Variants in TNRC6A observed in about 807,000 individuals in gnomAD.
TNRC6A encodes trinucleotide repeat-containing gene 6A protein.
In TNRC6A, 44 loss-of-function variants were observed where a neutral mutation model predicts 221.2. The observed-to-expected ratio is 0.20, with a 90% CI of 0.16 to 0.26. The LOEUF (loss-of-function observed/expected upper bound fraction) is 0.26. TNRC6A is among the 10% of genes least tolerant of loss of function. The probability of loss-of-function intolerance (pLI) is 1.00; values close to 1 mark genes in which losing one functional copy is unlikely to be tolerated. For synonymous variants in TNRC6A, 847 were observed against 838.5 expected (o/e 1.01, Z -0.18); for missense variants, 2,199 against 2,404.4 (o/e 0.91, Z 1.79).
At chr16:24,691,333 T>C (rs2055751874) in intron 2 of TNRC6A, among the ~76,000 whole-genome samples, 1 of 152,070 alleles carries the variant, frequency 6.6e-6, no homozygotes, top group Non-Finnish European at 1.5e-5. Context: ...TCCTCCCACT[T>C]TGGCTTTTCA....
At chr16:24,680,942 T>A (rs1398782236) in intron 2 of TNRC6A, among the ~76,000 whole-genome samples, 1 of 150,720 alleles carries the variant, frequency 6.6e-6, no homozygotes, top group East Asian at 2.0e-4. Flanking sequence ...AAAAAAAAAT[T>A]TTTTTTTTGA....
intron 2 of TNRC6A, among the ~76,000 whole-genome samples, chr16:24,730,977 ATT>A (rs34743729): frequency 1.4e-5 from 2 of 145,390 alleles, no homozygotes; most frequent in African/African-American, 5.1e-5. Flanking sequence ...TGAAGGGAGA[ATT>A]TTTTTTTTTT....
chr16:24,819,709 C>G, intron 21 of TNRC6A: 2 of 199,082 alleles, frequency 1.0e-5, no homozygotes, highest in South Asian at 1.8e-4. Flanking sequence ...TGAAGATCTC[C>G]TTTGGCAGCT....
chr16:24,803,157 G>A (rs563274140), intron 11 of TNRC6A, among the ~76,000 whole-genome samples: 16 of 152,284 alleles, frequency 1.1e-4, no homozygotes, highest in African/African-American at 2.9e-4. Context: ...GGTGGCTCAC[G>A]TCTGTAAATC....
At chr16:24,796,591 T>C (rs934346065) in intron 9 of TNRC6A, among the ~76,000 whole-genome samples, 1 of 152,084 alleles carries the variant, frequency 6.6e-6, no homozygotes, top group African/African-American at 2.4e-5. Flanking sequence ...GGTATGGGGA[T>C]GGATGGGGTG....
intron 2 of TNRC6A, among the ~76,000 whole-genome samples, chr16:24,652,882 C>A (rs1902751051): frequency 6.6e-6 from 1 of 152,172 alleles, no homozygotes; most frequent in Admixed American, 6.5e-5. Context: ...CTCAAAATTA[C>A]CCTTGCACTA....
intron 2 of TNRC6A, among the ~76,000 whole-genome samples, chr16:24,645,888 G>T (rs183396165): frequency 1.5e-5 from 2 of 137,058 alleles, no homozygotes; most frequent in Non-Finnish European, 3.1e-5. Context: ...ATGATGGTGC[G>T]TGCATCTGTA....
chr16:24,735,599 G>A (rs2056747263), intron 2 of TNRC6A, among the ~76,000 whole-genome samples: 1 of 152,072 alleles, frequency 6.6e-6, no homozygotes, highest in Admixed American at 6.6e-5. Flanking sequence ...ATCACAATCT[G>A]TAAACTTAAT....
intron 2 of TNRC6A, chr16:24,662,785 G>T (rs1407294336): frequency 2.0e-5 from 3 of 153,698 alleles, no homozygotes; most frequent in Non-Finnish European, 2.9e-5. Flanking sequence ...ATGTGGAAAT[G>T]GTTCTTCAAT....
At chr16:24,651,772 G>A (rs1157641715) in intron 2 of TNRC6A, among the ~76,000 whole-genome samples, 1 of 151,178 alleles carries the variant, frequency 6.6e-6, no homozygotes, top group Non-Finnish European at 1.5e-5. Flanking sequence ...TGGTTAGATT[G>A]CTAAGACATA....
chr16:24,811,067 A>G (rs746386650), intron 18 of TNRC6A, among the ~76,000 whole-genome samples: 12 of 152,132 alleles, frequency 7.9e-5, no homozygotes, highest in Non-Finnish European at 1.5e-4. Flanking sequence ...GCCGTAAATC[A>G]TATCATTAGA....
At chr16:24,702,304 A>G (rs959229357) in intron 2 of TNRC6A, among the ~76,000 whole-genome samples, 1 of 150,880 alleles carries the variant, frequency 6.6e-6, no homozygotes, top group African/African-American at 2.4e-5. Context: ...CAGCCTCCCG[A>G]GTAGCTGGGA....
At chr16:24,614,014 G>A (rs1900212898) in intron 1 of TNRC6A, among the ~76,000 whole-genome samples, 1 of 152,166 alleles carries the variant, frequency 6.6e-6, no homozygotes, top group Non-Finnish European at 1.5e-5. Flanking sequence ...GGATCATCTG[G>A]GCACTGCTGC....
chr16:24,692,979 T>C (rs2055785658), intron 2 of TNRC6A, among the ~76,000 whole-genome samples: 1 of 152,142 alleles, frequency 6.6e-6, no homozygotes, highest in Non-Finnish European at 1.5e-5. Flanking sequence ...TACATTCGGG[T>C]AAACCGGTAA....
intron 1 of TNRC6A, among the ~76,000 whole-genome samples, chr16:24,633,923 T>C (rs758716281): frequency 6.6e-6 from 1 of 151,824 alleles, no homozygotes; most frequent in Non-Finnish European, 1.5e-5. Context: ...GGGATTACAG[T>C]CATGCACCAC....
chr16:24,612,441 A>C (rs962884900), intron 1 of TNRC6A, among the ~76,000 whole-genome samples: 8 of 152,004 alleles, frequency 5.3e-5, no homozygotes, highest in Non-Finnish European at 1.2e-4. Flanking sequence ...TAACCACCAG[A>C]CAGCTTCGAA....
At chr16:24,804,436 A>C in intron 12 of TNRC6A, 117 bp downstream of exon 12, 1 of 1,252,520 alleles carries the variant, frequency 8.0e-7, no homozygotes, top group Non-Finnish European at 1.1e-6. Context: ...CCACTACCAA[A>C]TCTTATTACT....
Position 24,704,102 on chromosome 16 carries a change from A to T in TNRC6A, n.403-46624A>T, listed in dbSNP as rs1325431278. 9.2e-5 allele frequency among the ~76,000 whole-genome samples: 11 copies of T among 119,610 alleles called. No individual in the cohort carries two copies. The South Asian group carries it at 1.6e-3, about 18-fold the overall frequency. 78.5% of individuals were successfully genotyped at this position (119,610 alleles called of 152,430 possible). A position where few individuals can be genotyped will look rare whatever the true frequency, so the allele number is the denominator to read the frequency against. On this transcript the variant is annotated intron_variant and non_coding_transcript_variant, in intron 2 of 2. Transcript: ENST00000566108. ...TGTATCAAAAAAAAAAAAAAAAAAAATTTTTTTTTGGAGACAAAGTCTCCT... is the reference window on the plus strand; with the variant it reads ...TGTATCAAAAAAAAAAAAAAAAAAATTTTTTTTTTGGAGACAAAGTCTCCT...
intron 2 of TNRC6A, among the ~76,000 whole-genome samples, chr16:24,651,484 G>T (rs986281351): frequency 2.1e-5 from 3 of 142,184 alleles, no homozygotes; most frequent in South Asian, 2.2e-4. Context: ...GTTGCGGTGA[G>T]CTGAGATCGT....
Sources: gnomAD v4.1 joint callset for allele counts (sites outside exome capture counted in the v4.1 genomes callset) on GRCh38, gnomAD v4.1.1 for gene constraint, MANE v1.5 for transcripts, NCBI Gene and HGNC (gene_info 2026-07-23, HGNC 2026-07-21) for gene names.